Variants in DNAH9 observed in about 807,000 individuals in gnomAD.
DNAH9 encodes dynein axonemal heavy chain 9, also known as DNAH9 variant protein.
A neutral mutation model predicts 471.6 loss-of-function variants in DNAH9; 345 were observed. The observed-to-expected ratio is 0.73, with a 90% CI of 0.67 to 0.80. DNAH9 has a LOEUF of 0.80. Ranked by LOEUF, DNAH9 falls within the 30% of genes least tolerant of loss-of-function variation. The probability of loss-of-function intolerance (pLI) is 0.00; values close to 1 mark genes in which losing one functional copy is unlikely to be tolerated. For missense variants in DNAH9, 5,407 were observed against 5,609.2 expected, an observed-to-expected ratio of 0.96 and a Z score of 1.15; for synonymous variants, 2,093 against 2,123.6, an observed-to-expected ratio of 0.99 and a Z score of 0.40.
chr17:11,786,643 G>T (rs1968879991), intron 41 of DNAH9, among the ~76,000 whole-genome samples: 1 of 152,210 alleles, frequency 6.6e-6, no homozygotes, highest in African/African-American at 2.4e-5. Flanking sequence ...GTGACTGCAT[G>T]ATCGCATAAT....
intron 55 of DNAH9, among the ~76,000 whole-genome samples, chr17:11,881,772 C>T (rs999670271): frequency 1.3e-5 from 2 of 152,060 alleles, no homozygotes; most frequent in Non-Finnish European, 2.9e-5. Flanking sequence ...ATTAACTGGG[C>T]ATGGTGGCGC....
chr17:11,679,973 G>C lies in DNAH9; in HGVS notation c.3570G>C (p.Gln1190His). Reference sequence around the variant, plus strand: ...AATTGCCAGAAACAGTGTTTAAGCAGCTGGAGGTCAGTGCATTTATGTCTT... The same window carrying C: ...AATTGCCAGAAACAGTGTTTAAGCACCTGGAGGTCAGTGCATTTATGTCTT... The part of the protein sequence containing the change: ...EQELPETVFK[Q>H]LEELPEKWNN... Residue 1190 changes from glutamine to histidine, a missense_variant, in exon 18 of 69, where the codon CAG becomes CAC. Around this residue, in one of 3 missense-constraint regions of DNAH9, gnomAD observed 4,636 missense variants for 4,900.3 expected, o/e 0.95. Coordinates refer to ENST00000262442, the MANE Select transcript of DNAH9 (RefSeq NM_001372.4). 1 of 1,612,634 alleles carries C rather than the reference G, an allele frequency of 6.2e-7. No individual in the cohort carries two copies. Among genetic ancestry groups the C allele is most frequent in the Non-Finnish European group, 8.5e-7 (1 of 1,178,788 alleles).
In DNAH9 at chr17:11,937,801, T is replaced by C. The variant is rs4792198; in HGVS notation, c.12660+279T>C. On this transcript the variant is annotated intron_variant, in intron 66 of 68. Transcript: ENST00000262442. The surrounding 1 kb of genome is among the most constrained non-coding windows in gnomAD (Gnocchi z 4.1). The stretch of plus-strand genomic sequence containing the variant: ...AAAGTCCATTTTTATTCAGCTTCTC[T>C]GCCAAAGTGAAGAAAGGGCAGGGCT... 7.5e-3 allele frequency among the ~76,000 whole-genome samples: 1,146 copies of C among 152,308 alleles called. 21 individuals are homozygous for C. The highest frequency in any genetic ancestry group is 0.026 in the African/African-American group (1,097 of 41,572).
rs756977490 is a variant in DNAH9 at position 11,886,898 on chromosome 17, C to T, written c.11045C>T (p.Ala3682Val). The stretch of plus-strand genomic sequence containing the variant: ...CACTACCGGCCAGCAGCTGCCAGGG[C>T]CTCACTGCTCTACTTCATCATGAAC... ...REHYRPAAAR[A>V]SLLYFIMNDL... The change falls in exon 57 of 69, where the codon GCC becomes GTC. Residue 3682 changes from alanine to valine, a missense_variant. Ala to Val is a moderately conservative substitution (Grantham distance 64). This residue lies in a region of DNAH9 where 4,636 missense variants were observed against 4,900.3 expected (regional missense o/e 0.95). Transcript: ENST00000262442. The T allele has an allele frequency of 6.2e-7, 1 of 1,613,030 alleles. No individual in the cohort carries two copies.
chr17:11,733,392 G>A (rs2075298047), intron 28 of DNAH9, among the ~76,000 whole-genome samples: 1 of 152,204 alleles, frequency 6.6e-6, no homozygotes, highest in South Asian at 2.1e-4. Context: ...TAGCCTGAGT[G>A]GGAGGATACA....
At chr17:11,760,594 A>G (rs1967623819) in intron 35 of DNAH9, among the ~76,000 whole-genome samples, 2 of 151,918 alleles carry the variant, frequency 1.3e-5, no homozygotes, top group African/African-American at 4.8e-5. Context: ...ATCTTGGCTC[A>G]CTGCAACCTC....
rs80079190 is a variant in DNAH9 at position 11,962,842 on chromosome 17, A to T, written c.13233+586A>T. 0.011 allele frequency among the ~76,000 whole-genome samples: 1,641 copies of T among 152,168 alleles called. 33 individuals are homozygous for T. Among genetic ancestry groups the T allele is most frequent in the African/African-American group, 0.038 (1,562 of 41,518 alleles). On this transcript the variant is annotated intron_variant, in intron 68 of 68. Transcript: ENST00000262442. The surrounding 1 kb of genome is among the most constrained non-coding windows in gnomAD (Gnocchi z 4.1). ...AAAGGGCAGGAATCTTCTGCCTTTT[A>T]TGTTGTCCTATGTTGGCAAAGAGGA...
intron 28 of DNAH9, among the ~76,000 whole-genome samples, chr17:11,738,243 C>T (rs1037669247): frequency 7.9e-5 from 12 of 152,100 alleles, no homozygotes; most frequent in South Asian, 4.1e-4. Context: ...GAACTGTGTC[C>T]GGCCAGTGGT....
intron 33 of DNAH9, among the ~76,000 whole-genome samples, chr17:11,753,275 T>C (rs767341166): frequency 6.6e-6 from 1 of 152,248 alleles, no homozygotes; most frequent in Non-Finnish European, 1.5e-5. Flanking sequence ...CTTTTTACTT[T>C]TTCTTTTTAT....
Position 11,599,086 on chromosome 17 carries a change from G to C in DNAH9, c.417+171G>C, listed in dbSNP as rs8079566. Among the ~76,000 whole-genome samples the C allele has an allele frequency of 0.47, 70,622 of 151,188 alleles. 17,214 individuals carry two copies. The highest frequency in any genetic ancestry group is 0.7 in the South Asian group (3,306 of 4,724). On this transcript the variant is annotated intron_variant, in intron 1 of 68. Transcript: ENST00000262442. The stretch of plus-strand genomic sequence containing the variant: ...CTGTGGAGGGAGCACAACCAGGAGG[G>C]AAGTTCCTGAAGTCAGGAAGAAAAT...
rs114606784 is a variant in DNAH9 at position 11,739,473 on chromosome 17, T to C, written c.5972+436T>C. Among the ~76,000 whole-genome samples the C allele has an allele frequency of 8.0e-3, 1,212 of 152,364 alleles. 17 individuals carry two copies. Among genetic ancestry groups the C allele is most frequent in the African/African-American group, 0.027 (1,131 of 41,588 alleles). On this transcript the variant is annotated intron_variant, in intron 29 of 68. Coordinates refer to ENST00000262442, the MANE Select transcript of DNAH9 (RefSeq NM_001372.4). ...TTTAAAATAAATTTATGCATAATGC[T>C]GTAATGTACATCTTTGCATATAAAT... is the stretch of plus-strand genomic sequence containing the variant.
rs1434348261 is a variant in DNAH9 at position 11,810,316 on chromosome 17, C to T, written c.8654C>T (p.Ala2885Val). The change falls in exon 45 of 69, where the codon GCC (alanine) becomes GTC (valine). Residue 2885 changes from alanine (A) to valine (V), a missense_variant. By Grantham distance (64) the Ala-to-Val change is moderately conservative. Around this residue, in one of 3 missense-constraint regions of DNAH9, gnomAD observed 4,636 missense variants for 4,900.3 expected, o/e 0.95. Coordinates refer to ENST00000262442, the MANE Select transcript of DNAH9 (RefSeq NM_001372.4). ...AACACAGTGTTTCTCATGACTGATG[C>T]CCAAGTGGCTGATGAGAGGTTCCTT... ...NLNTVFLMTDAQVADERFLVL... is the reference protein window; with the variant it reads ...NLNTVFLMTDVQVADERFLVL... 1.2e-6 allele frequency: 2 copies of T among 1,613,762 alleles called. No homozygotes were observed. The highest frequency in any genetic ancestry group is 4.5e-5 in the East Asian group (2 of 44,836).
Position 11,679,971 on chromosome 17 carries a change from C to T in DNAH9, c.3568C>T (p.Gln1190Ter). The T allele has an allele frequency of 6.2e-7, 1 of 1,612,854 alleles. No individual in the cohort carries two copies. Residue 1190 changes from glutamine (Q) to a stop codon, truncating the protein, a stop_gained, in exon 18 of 69, where the codon CAG (glutamine) becomes TAG (stop). Coordinates refer to ENST00000262442, the MANE Select transcript of DNAH9 (RefSeq NM_001372.4). LOFTEE classifies it high-confidence loss of function. ...AGAATTGCCAGAAACAGTGTTTAAGCAGCTGGAGGTCAGTGCATTTATGTC... is the reference window on the plus strand; with the variant it reads ...AGAATTGCCAGAAACAGTGTTTAAGTAGCTGGAGGTCAGTGCATTTATGTC... ...EQELPETVFK[Q>*]LEELPEKWNN...
chr17:11,811,254 A>T (rs1969887906), intron 45 of DNAH9, among the ~76,000 whole-genome samples: 1 of 152,128 alleles, frequency 6.6e-6, no homozygotes, highest in Non-Finnish European at 1.5e-5. Flanking sequence ...CGGAGGTTGC[A>T]GTGAGCTGAG....
chr17:11,774,192 C>T (rs1968330844), intron 38 of DNAH9, among the ~76,000 whole-genome samples: 1 of 150,192 alleles, frequency 6.7e-6, no homozygotes, highest in Non-Finnish European at 1.5e-5. Context: ...ACCCCTGTCG[C>T]TCCTTTCTCC....
At chr17:11,910,181 G>A (rs1973746116) in intron 61 of DNAH9, among the ~76,000 whole-genome samples, 1 of 152,020 alleles carries the variant, frequency 6.6e-6, no homozygotes, top group Non-Finnish European at 1.5e-5. Context: ...CATGAACCCG[G>A]GAGGCGGAGG....
intron 32 of DNAH9, among the ~76,000 whole-genome samples, chr17:11,752,216 A>C (rs1157169260): frequency 6.6e-6 from 1 of 152,212 alleles, no homozygotes; most frequent in African/African-American, 2.4e-5. Context: ...GCCGCTTTCC[A>C]AAGCTTGTGT....
chr17:11,603,783 T>C lies in DNAH9; in HGVS notation c.418-4346T>C, dbSNP rs1274226829. On this transcript the variant is annotated intron_variant, in intron 1 of 68. Transcript: ENST00000262442. ...ATCATCACTCATCAGGCTTTGACTT[T>C]CTCACTTCACAGAAGAGGAATAAAA... Among the ~76,000 whole-genome samples, 5 of 152,252 alleles carry C rather than the reference T, an allele frequency of 3.3e-5. No homozygotes were observed. In the East Asian group the frequency reaches 9.7e-4, roughly 29 times the overall value.
chr17:11,776,353 CAAAA>C (rs78587925), intron 38 of DNAH9, among the ~76,000 whole-genome samples: 6 of 112,690 alleles, frequency 5.3e-5, no homozygotes, highest in African/African-American at 3.1e-5. Flanking sequence ...CATCTGCATT[CAAAA>C]AAAAAAAAAA....
Sources: gnomAD v4.1 joint callset for allele counts (sites outside exome capture counted in the v4.1 genomes callset) on GRCh38, gnomAD v4.1.1 for gene constraint, gnomAD v4.1.1 regional missense constraint, Gnocchi (gnomAD v3.1) non-coding constraint, MANE v1.5 for transcripts, NCBI Gene and HGNC (gene_info 2026-07-23, HGNC 2026-07-21) for gene names.